ARCN1: variants seen among roughly 807,000 people sequenced by gnomAD.
The protein encoded by ARCN1 is archain 1 coat protein complex I subunit delta, also known as coatomer subunit delta.
In ARCN1, 5 loss-of-function variants were observed where a neutral mutation model predicts 60.4. The observed-to-expected ratio is 0.08, with a 90% CI of 0.04 to 0.17. ARCN1 has a LOEUF of 0.17. Among genes scored for constraint, ARCN1 ranks in the 10% least tolerant of loss-of-function variants. The pLI is 1.00. For synonymous variants in ARCN1, 224 were observed against 220.0 expected, an observed-to-expected ratio of 1.02 and a Z score of -0.16; for missense variants, 464 against 626.5, an observed-to-expected ratio of 0.74 and a Z score of 2.77.
chr11:118,582,234 C>A (rs986338892), intron 2 of ARCN1, among the ~76,000 whole-genome samples: 2 of 152,086 alleles, frequency 1.3e-5, no homozygotes, highest in Admixed American at 6.5e-5. Flanking sequence ...CCTCCACCTC[C>A]CAGGTTCAAG....
At chr11:118,589,293 T>C (rs1229519126) in intron 5 of ARCN1, among the ~76,000 whole-genome samples, 1 of 152,254 alleles carries the variant, frequency 6.6e-6, no homozygotes, top group Non-Finnish European at 1.5e-5. Flanking sequence ...TAGGTGAATC[T>C]GGAAAAGGGT....
At chr11:118,598,742 G>A (rs370535968) in intron 9 of ARCN1, among the ~76,000 whole-genome samples, 49 of 151,470 alleles carry the variant, frequency 3.2e-4, no homozygotes, top group African/African-American at 1.1e-3. Flanking sequence ...TGATCTACCC[G>A]CCTCAGCCTC....
In ARCN1 at chr11:118,572,461, C is replaced by A. The variant is rs958407703; in HGVS notation, c.-87C>A. 8.8e-6 allele frequency: 13 copies of A among 1,471,382 alleles called. No individual in the cohort carries two copies. The highest frequency in any genetic ancestry group is 1.7e-4 in the Middle Eastern group (1 of 5,788). 91.1% of individuals were successfully genotyped at this position (1,471,382 alleles called of 1,614,324 possible). A position where few individuals can be genotyped will look rare whatever the true frequency, so the allele number is the denominator to read the frequency against. On this transcript the variant is annotated 5_prime_UTR_variant, in exon 1 of 10. Coordinates refer to ENST00000264028, the MANE Select transcript of ARCN1 (RefSeq NM_001655.5). ...GTTCCTGTCAAGGGGGCAGCAGGTC[C>A]AGAGCTGCTGGTGCTCCCGTTCCCC...
At chr11:118,597,959 T>C in intron 9 of ARCN1, 48 bp downstream of exon 9, 1 of 1,587,230 alleles carries the variant, frequency 6.3e-7, no homozygotes, top group Non-Finnish European at 8.6e-7. Flanking sequence ...GGTAGGACAG[T>C]AGGAACACGT....
At chr11:118,581,532 G>T in intron 2 of ARCN1, 23 bp downstream of exon 2, 1 of 1,572,076 alleles carries the variant, frequency 6.4e-7, no homozygotes, top group Non-Finnish European at 8.6e-7. Context: ...CTATAATACT[G>T]GGTTCCACTT....
At chr11:118,584,097 G>A (rs1938722677) in intron 4 of ARCN1, 83 bp downstream of exon 4, 1 of 1,361,588 alleles carries the variant, frequency 7.3e-7, no homozygotes, top group East Asian at 2.3e-5. Context: ...TTCTTGGAAA[G>A]CTGTAAATAA....
intron 6 of ARCN1, among the ~76,000 whole-genome samples, chr11:118,591,022 C>T (rs996111387): frequency 9.2e-5 from 14 of 152,128 alleles, no homozygotes; most frequent in African/African-American, 2.7e-4. Flanking sequence ...ATTAGCCAGG[C>T]GTGGTGGCAC....
At chr11:118,573,745 T>C (rs1938413968) in intron 1 of ARCN1, 2 of 681,760 alleles carry the variant, frequency 2.9e-6, no homozygotes, top group East Asian at 5.5e-5. Context: ...GAATTCATGC[T>C]TGGACTTTAG....
chr11:118,584,810 GGTTTT>G (rs1440388798), intron 5 of ARCN1, among the ~76,000 whole-genome samples, 166 bp downstream of exon 5: 7 of 151,806 alleles, frequency 4.6e-5, no homozygotes, highest in African/African-American at 1.5e-4. Context: ...GATCGTTTTT[GGTTTT>G]GTTTTGTTTT....
intron 1 of ARCN1, among the ~76,000 whole-genome samples, chr11:118,578,870 C>CTTTTT (rs1938583498): frequency 1.1e-5 from 1 of 86,962 alleles, no homozygotes. Context: ...AAAACCCCGT[C>CTTTTT]TCTCTTTTTT....
chr11:118,588,250 CCT>C (rs1448358722), intron 5 of ARCN1, among the ~76,000 whole-genome samples: 1 of 152,178 alleles, frequency 6.6e-6, no homozygotes, highest in African/African-American at 2.4e-5. Context: ...AAATTCTTGG[CCT>C]CTCTGTGCAG....
intron 8 of ARCN1, 72 bp downstream of exon 8, chr11:118,593,770 C>T: frequency 2.1e-6 from 2 of 966,752 alleles, no homozygotes; most frequent in Non-Finnish European, 3.2e-6. Context: ...TTGGAGTCAG[C>T]ACCTACCTGA....
intron 5 of ARCN1, 50 bp downstream of exon 5, chr11:118,584,694 A>C: frequency 6.9e-7 from 1 of 1,443,796 alleles, no homozygotes; most frequent in South Asian, 1.5e-5. Flanking sequence ...CAGTCCACAT[A>C]ATTTTTTAAA....
chr11:118,574,855 C>A (rs1287004847), intron 1 of ARCN1, among the ~76,000 whole-genome samples: 4 of 152,086 alleles, frequency 2.6e-5, no homozygotes, highest in African/African-American at 7.2e-5. Context: ...CGGCCTAGAA[C>A]TCCTAGCCTC....
At position 118,583,672 on chromosome 11, in the gene ARCN1, C is replaced by T. The variant is rs370697952; in HGVS notation, c.448-137C>T. On this transcript the variant is annotated intron_variant, in intron 3 of 9. Coordinates refer to ENST00000264028, the MANE Select transcript of ARCN1 (RefSeq NM_001655.5). ...ACTTGGGAGGCTGAGATGGGAGGAT[C>T]ACTTGAGCCCAGGAAGTTGAGGCTG... The T allele has an allele frequency of 3.6e-5, 32 of 885,526 alleles. No homozygotes were observed. The South Asian group carries it at 5.4e-4, about 15-fold the overall frequency. 54.9% of individuals were successfully genotyped at this position (885,526 alleles called of 1,614,324 possible). A position where few individuals can be genotyped will look rare whatever the true frequency, so the allele number is the denominator to read the frequency against.
intron 2 of ARCN1, among the ~76,000 whole-genome samples, chr11:118,581,923 C>T (rs1938658119): frequency 7.2e-6 from 1 of 138,298 alleles, no homozygotes; most frequent in African/African-American, 2.6e-5. Context: ...GATCCAGAGA[C>T]AGACAGACAG....
At chr11:118,575,682 T>C (rs1555073407) in intron 1 of ARCN1, among the ~76,000 whole-genome samples, 1 of 152,180 alleles carries the variant, frequency 6.6e-6, no homozygotes, top group African/African-American at 2.4e-5. Flanking sequence ...GTATAAAATA[T>C]TGCGGTGAAT....
intron 9 of ARCN1, 100 bp from the exon 10 acceptor site, chr11:118,600,525 C>A: frequency 2.7e-6 from 2 of 741,772 alleles, no homozygotes; most frequent in South Asian, 1.9e-5. Context: ...ACTTTTAATA[C>A]CGCTTTTAGG....
At chr11:118,573,297 C>T (rs1009104808) in intron 1 of ARCN1, among the ~76,000 whole-genome samples, 5 of 152,258 alleles carry the variant, frequency 3.3e-5, no homozygotes, top group East Asian at 3.9e-4. Flanking sequence ...GTGTATGTGG[C>T]ATGTCGTAGT....
Sources: gnomAD v4.1 joint callset for allele counts (sites outside exome capture counted in the v4.1 genomes callset) on GRCh38, gnomAD v4.1.1 for gene constraint, MANE v1.5 for transcripts, NCBI Gene and HGNC (gene_info 2026-07-23, HGNC 2026-07-21) for gene names.